CENPP: variants seen among roughly 807,000 people sequenced by gnomAD.
The protein encoded by CENPP is centromere protein P.
A neutral mutation model predicts 35.6 loss-of-function variants in CENPP; 24 were observed. The ratio of observed to expected loss-of-function variants is 0.67; its 90% CI spans 0.49 to 0.95. The LOEUF is 0.95. Ranked by LOEUF, CENPP falls within the 40% of genes least tolerant of loss-of-function variation. The pLI, the probability that CENPP is intolerant of heterozygous loss-of-function variation, is 0.00. For missense variants in CENPP, 332 were observed against 345.3 expected (o/e 0.96, Z 0.31); for synonymous variants, 120 against 125.5 (o/e 0.96, Z 0.29).
At chr9:92,396,127 TC>T (rs1162409907) in intron 5 of CENPP, among the ~76,000 whole-genome samples, 1 of 152,194 alleles carries the variant, frequency 6.6e-6, no homozygotes, top group East Asian at 1.9e-4. Context: ...GATTATTCTT[TC>T]CCCATTGAAT....
intron 5 of CENPP, among the ~76,000 whole-genome samples, chr9:92,431,511 C>T (rs955501996): frequency 1.3e-5 from 2 of 152,110 alleles, no homozygotes; most frequent in Non-Finnish European, 2.9e-5. Flanking sequence ...GAATGTTTTT[C>T]AGCCATTTGG....
At chr9:92,383,588 C>T (rs1842319354) in intron 5 of CENPP, among the ~76,000 whole-genome samples, 1 of 151,368 alleles carries the variant, frequency 6.6e-6, no homozygotes, top group Middle Eastern at 3.7e-3. Flanking sequence ...CTAATTATTT[C>T]GTCTGATATC....
chr9:92,388,831 CAAA>C (rs533649013), intron 5 of CENPP, among the ~76,000 whole-genome samples: 3 of 83,580 alleles, frequency 3.6e-5, no homozygotes, highest in Non-Finnish European at 2.5e-5. Flanking sequence ...GACTCCATCT[CAAA>C]AAAAAAAAAA....
intron 5 of CENPP, among the ~76,000 whole-genome samples, chr9:92,505,900 T>G (rs1285804250): frequency 6.6e-6 from 1 of 152,042 alleles, no homozygotes; most frequent in Admixed American, 6.6e-5. Context: ...CATGGTCCAG[T>G]AGTGAGGCAG....
intron 2 of CENPP, among the ~76,000 whole-genome samples, chr9:92,335,160 A>C (rs886573318): frequency 1.1e-4 from 16 of 152,218 alleles, no homozygotes; most frequent in African/African-American, 3.6e-4. Context: ...TCTCAAAAAT[A>C]ACATAAAATA....
At chr9:92,331,346 A>C (rs1238779827) in intron 1 of CENPP, among the ~76,000 whole-genome samples, 2 of 151,852 alleles carry the variant, frequency 1.3e-5, no homozygotes, top group African/African-American at 4.8e-5. Flanking sequence ...ACGCCTGGCA[A>C]ATTTTTTGTA....
intron 5 of CENPP, among the ~76,000 whole-genome samples, chr9:92,393,706 T>C (rs996047121): frequency 1.6e-4 from 25 of 152,356 alleles, no homozygotes; most frequent in African/African-American, 6.0e-4. Flanking sequence ...AGTCATTTAT[T>C]ACATTTACTT....
intron 5 of CENPP, among the ~76,000 whole-genome samples, chr9:92,509,602 G>A (rs1302549122): frequency 1.3e-5 from 2 of 152,144 alleles, no homozygotes; most frequent in African/African-American, 4.8e-5. Flanking sequence ...AATATTTAGC[G>A]TAATTCTTCA....
chr9:92,608,437 T>C (rs1038609998), intron 5 of CENPP, among the ~76,000 whole-genome samples: 3 of 152,230 alleles, frequency 2.0e-5, no homozygotes, highest in Non-Finnish European at 2.9e-5. Context: ...TCTTGCCAAT[T>C]TGGTCATCTT....
intron 5 of CENPP, chr9:92,522,891 T>C: frequency 6.4e-7 from 1 of 1,573,678 alleles, no homozygotes; most frequent in Middle Eastern, 1.7e-4. Context: ...CACCAGCCAA[T>C]TTCTAGAATG....
At position 92,618,159 on chromosome 9, in the gene CENPP, G is replaced by A. The variant is rs1851502526; in HGVS notation, c.*5010G>A. 6.7e-6 allele frequency: 3 copies of A among 448,454 alleles called. No homozygotes were observed. 27.8% of individuals were successfully genotyped at this position (448,454 alleles called of 1,614,324 possible). A position where few individuals can be genotyped will look rare whatever the true frequency, so the allele number is the denominator to read the frequency against. ...AAGCAGGCCCAGCCCCACACGCCAT[G>A]TTCTCGGAGGAGAAGCCTTCTCTGA... is the stretch of plus-strand genomic sequence containing the variant. On this transcript the variant is annotated 3_prime_UTR_variant, in exon 8 of 8. Transcript: ENST00000375587.
chr9:92,548,358 C>T (rs1849517279), intron 5 of CENPP, among the ~76,000 whole-genome samples: 2 of 152,136 alleles, frequency 1.3e-5, no homozygotes, highest in Non-Finnish European at 2.9e-5. Context: ...TAAGACAAAA[C>T]CATTATTTCA....
chr9:92,466,575 G>C (rs1200988694), intron 5 of CENPP: 3 of 1,610,758 alleles, frequency 1.9e-6, no homozygotes, highest in African/African-American at 1.3e-5. Flanking sequence ...TCAGACCCTT[G>C]ATCAAGCATA....
At chr9:92,369,575 T>C (rs1420233372) in intron 4 of CENPP, among the ~76,000 whole-genome samples, 1 of 152,198 alleles carries the variant, frequency 6.6e-6, no homozygotes, top group African/African-American at 2.4e-5. Context: ...TTAGACAATA[T>C]GGTCATTTTA....
At chr9:92,378,714 G>A (rs1177318235) in intron 4 of CENPP, among the ~76,000 whole-genome samples, 2 of 152,202 alleles carry the variant, frequency 1.3e-5, no homozygotes, top group Non-Finnish European at 2.9e-5. Flanking sequence ...TACTTGTGGT[G>A]TATGTGGCTT....
intron 5 of CENPP, chr9:92,393,069 A>C: frequency 6.2e-7 from 1 of 1,606,366 alleles, no homozygotes; most frequent in Non-Finnish European, 8.5e-7. Context: ...CTAATATCAT[A>C]TTTCAGCTTA....
intron 5 of CENPP, among the ~76,000 whole-genome samples, chr9:92,552,677 CT>C (rs1849641217): frequency 6.6e-6 from 1 of 152,046 alleles, no homozygotes; most frequent in African/African-American, 2.4e-5. Flanking sequence ...CATTAGCCCA[CT>C]TTTTGATAGG....
chr9:92,567,369 G>GATATATATATATATATATAT (rs888840109), intron 5 of CENPP, among the ~76,000 whole-genome samples: 11 of 104,096 alleles, frequency 1.1e-4, no homozygotes, highest in East Asian at 9.0e-4. Context: ...AGTTACATAA[G>GATATATATATATATATATAT]ATAGATATAT....
intron 5 of CENPP, chr9:92,393,238 G>C: frequency 6.4e-7 from 1 of 1,562,440 alleles, no homozygotes; most frequent in Non-Finnish European, 8.7e-7. Context: ...CAGACACGTG[G>C]GCATTTCTAA....
Sources: allele counts gnomAD v4.1 joint callset (sites outside exome capture counted in the v4.1 genomes callset), GRCh38; gene constraint gnomAD v4.1.1; transcripts MANE v1.5; gene names NCBI Gene and HGNC (gene_info 2026-07-23, HGNC 2026-07-21).